VAMP4: variants seen among roughly 807,000 people sequenced by gnomAD.
The protein encoded by VAMP4 is vesicle-associated membrane protein 4.
In VAMP4, 19 loss-of-function variants were observed where a neutral mutation model predicts 23.5. The ratio of observed to expected loss-of-function variants is 0.81; its 90% CI spans 0.56 to 1.19. VAMP4 has a LOEUF of 1.19. Among genes scored for constraint, VAMP4 ranks in the 50% most tolerant of loss-of-function variants. The pLI is 0.00. For synonymous variants in VAMP4, 31 were observed against 51.0 expected (o/e 0.61, Z 1.67); for missense variants, 145 against 168.6 (o/e 0.86, Z 0.78).
Position 171,738,216 on chromosome 1 carries a change from G to C in VAMP4, c.66+133C>G, listed in dbSNP as rs1014322767. 21 of 900,954 alleles carry C rather than the reference G, an allele frequency of 2.3e-5. No homozygotes were observed. In the East Asian group the frequency reaches 5.5e-4, roughly 24 times the overall value. The allele number at this position is 900,954 out of a possible 1,614,324, so 55.8% of individuals were successfully genotyped here. On this transcript the variant is annotated intron_variant, in intron 2 of 7. Coordinates refer to ENST00000236192, the MANE Select transcript of VAMP4 (RefSeq NM_003762.5). ...TGAACTTCTGGGCTCAAGCTATTCTGCTTCAGCGTCCCAAGTGCGGCGATT... is the reference window on the plus strand; with the variant it reads ...TGAACTTCTGGGCTCAAGCTATTCTCCTTCAGCGTCCCAAGTGCGGCGATT...
intron 4 of VAMP4, among the ~76,000 whole-genome samples, chr1:171,713,390 G>A (rs1020505307): frequency 2.0e-5 from 3 of 151,910 alleles, no homozygotes; most frequent in Admixed American, 6.6e-5. Context: ...TCCTATACAC[G>A]ATCAGATTAT....
intron 1 of VAMP4, among the ~76,000 whole-genome samples, chr1:171,740,568 A>G (rs955384081): frequency 1.3e-5 from 2 of 152,220 alleles, no homozygotes; most frequent in African/African-American, 4.8e-5. Flanking sequence ...TTGGTTCCAC[A>G]ATATTTCTGT....
chr1:171,727,375 A>G (rs763612965), intron 3 of VAMP4, among the ~76,000 whole-genome samples: 3 of 152,302 alleles, frequency 2.0e-5, no homozygotes, highest in Middle Eastern at 3.4e-3. Context: ...GTTCAACATC[A>G]TATGTCATTA....
intron 3 of VAMP4, among the ~76,000 whole-genome samples, chr1:171,728,317 A>G (rs1558112958): frequency 1.3e-5 from 2 of 152,256 alleles, no homozygotes; most frequent in Non-Finnish European, 2.9e-5. Context: ...TCCTTCTGAC[A>G]TATCATCAGA....
chr1:171,727,145 C>T (rs1005033742), intron 3 of VAMP4, among the ~76,000 whole-genome samples: 5 of 146,924 alleles, frequency 3.4e-5, no homozygotes, highest in African/African-American at 1.3e-4. Context: ...GAGGCTGAGG[C>T]GAGAAGATCA....
chr1:171,737,799 T>TA (rs1244333219), intron 2 of VAMP4, among the ~76,000 whole-genome samples: 1 of 152,212 alleles, frequency 6.6e-6, no homozygotes, highest in Non-Finnish European at 1.5e-5. Context: ...TGTATTTGTA[T>TA]AAAACTCCCT....
intron 7 of VAMP4, among the ~76,000 whole-genome samples, chr1:171,705,340 ACAGCACTT>A (rs1326450558): frequency 2.6e-5 from 4 of 152,168 alleles, no homozygotes; most frequent in Non-Finnish European, 4.4e-5. Context: ...GCAACACTAG[ACAGCACTT>A]CAGCACCACG....
chr1:171,722,282 A>G lies in VAMP4; in HGVS notation c.114-3061T>C, dbSNP rs532735277. On this transcript the variant is annotated intron_variant, in intron 3 of 7. Coordinates refer to ENST00000236192, the MANE Select transcript of VAMP4 (RefSeq NM_003762.5). ...AGATGGATTAAAGACTTAAATGTTA[A>G]ACCTAAAACCATAAAAACCCTAGAA... is the stretch of plus-strand genomic sequence containing the variant. Among the ~76,000 whole-genome samples, 32 of 152,212 alleles carry G rather than the reference A, an allele frequency of 2.1e-4. 1 individual carries two copies. In the Middle Eastern group the frequency reaches 0.01, roughly 49 times the overall value.
intron 1 of VAMP4, among the ~76,000 whole-genome samples, chr1:171,739,695 G>A (rs1655866927): frequency 6.6e-6 from 1 of 152,196 alleles, no homozygotes; most frequent in Admixed American, 6.5e-5. Flanking sequence ...CACCCAGCTG[G>A]AGAATCTGCT....
rs937466521 is a variant in VAMP4, at chr1:171,715,826, T to C, written c.164+3345A>G. 5.3e-5 allele frequency among the ~76,000 whole-genome samples: 8 copies of C among 151,958 alleles called. No individual in the cohort carries two copies. In the South Asian group the frequency reaches 8.3e-4, roughly 16 times the overall value. Reference sequence around the variant, plus strand: ...GAGTTTGAGACCAGTCTGGGCAACATAGGGAAACCCCGTCTCTATAAGAAA... The same window carrying C: ...GAGTTTGAGACCAGTCTGGGCAACACAGGGAAACCCCGTCTCTATAAGAAA... On this transcript the variant is annotated intron_variant, in intron 4 of 7. Transcript: ENST00000236192.
chr1:171,710,961 T>C, intron 4 of VAMP4, 147 bp from the exon 5 acceptor site: 1 of 584,946 alleles, frequency 1.7e-6, no homozygotes, highest in Middle Eastern at 4.8e-4. Flanking sequence ...GTAGCAATGT[T>C]CTTCCATTTG....
chr1:171,728,523 C>A lies in VAMP4; in HGVS notation c.113+1G>T. ...TAATAAAGCTGTAAAAAAAAACTTA[C>A]AGAAAAAAGTCCTCTTCTTCATCTG... On this transcript the variant is annotated splice_donor_variant, in intron 3 of 7. Transcript: ENST00000236192. LOFTEE classifies it high-confidence loss of function. 6.5e-7 allele frequency: 1 copy of A among 1,533,810 alleles called. No individual in the cohort carries two copies. The highest frequency in any genetic ancestry group is 8.8e-7 in the Non-Finnish European group (1 of 1,141,668).
chr1:171,706,746 A>C (rs907262748), intron 6 of VAMP4, among the ~76,000 whole-genome samples: 12 of 152,198 alleles, frequency 7.9e-5, no homozygotes, highest in African/African-American at 2.9e-4. Context: ...TGCATGGCCT[A>C]TGTTATTCAT....
At chr1:171,710,558 CAAAGT>C (rs1281114768) in intron 5 of VAMP4, among the ~76,000 whole-genome samples, 151 bp downstream of exon 5, 1 of 151,988 alleles carries the variant, frequency 6.6e-6, no homozygotes, top group African/African-American at 2.4e-5. Flanking sequence ...TAAGATGACT[CAAAGT>C]AAAGGAGTTA....
At chr1:171,716,758 G>T (rs200881225) in intron 4 of VAMP4, among the ~76,000 whole-genome samples, 1 of 152,124 alleles carries the variant, frequency 6.6e-6, no homozygotes, top group Non-Finnish European at 1.5e-5. Context: ...CTAAAATAAC[G>T]CCAGGGATTT....
At chr1:171,729,830 A>G (rs1655502533) in intron 2 of VAMP4, among the ~76,000 whole-genome samples, 1 of 152,152 alleles carries the variant, frequency 6.6e-6, no homozygotes, top group South Asian at 2.1e-4. Flanking sequence ...TGGCTAATAC[A>G]GTCACCAAAA....
intron 2 of VAMP4, among the ~76,000 whole-genome samples, chr1:171,728,865 T>A (rs923625514): frequency 6.6e-6 from 1 of 152,092 alleles, no homozygotes; most frequent in African/African-American, 2.4e-5. Flanking sequence ...AGGGAGCAAG[T>A]CCCCTCTCCT....
intron 6 of VAMP4, among the ~76,000 whole-genome samples, chr1:171,709,315 C>T (rs1654769462): frequency 6.6e-6 from 1 of 151,964 alleles, no homozygotes; most frequent in African/African-American, 2.4e-5. Context: ...GATATCTCTA[C>T]ATAATGCTAT....
intron 3 of VAMP4, among the ~76,000 whole-genome samples, chr1:171,720,923 T>C (rs994508557): frequency 6.6e-6 from 1 of 152,152 alleles, no homozygotes; most frequent in Middle Eastern, 3.4e-3. Flanking sequence ...AACAAACTCT[T>C]AACAAATTGA....
Sources: allele counts gnomAD v4.1 joint callset (sites outside exome capture counted in the v4.1 genomes callset), GRCh38; gene constraint gnomAD v4.1.1; transcripts MANE v1.5; gene names NCBI Gene and HGNC (gene_info 2026-07-23, HGNC 2026-07-21).